The following GPC6 variants were observed in gnomAD, a reference collection of about 807,000 sequenced individuals.
The protein encoded by GPC6 is glypican 6.
GPC6 carries 14 observed loss-of-function variants against 55.2 expected under a neutral mutation model. That is an observed-to-expected ratio of 0.25 (90% confidence interval 0.17 to 0.40). GPC6 has a LOEUF of 0.40. Ranked by LOEUF, GPC6 falls within the 10% of genes least tolerant of loss-of-function variation. The pLI is 1.00. For synonymous variants in GPC6, 278 were observed against 259.6 expected, an observed-to-expected ratio of 1.07 and a Z score of -0.68; for missense variants, 641 against 708.5, an observed-to-expected ratio of 0.90 and a Z score of 1.08.
chr13:93,816,214 A>G (rs1300696712), intron 2 of GPC6, among the ~76,000 whole-genome samples: 1 of 152,128 alleles, frequency 6.6e-6, no homozygotes, highest in African/African-American at 2.4e-5. Context: ...AATTTGGGAA[A>G]TCCTTTCTCT....
intron 4 of GPC6, among the ~76,000 whole-genome samples, chr13:94,050,067 T>G (rs973428468): frequency 3.3e-5 from 5 of 152,132 alleles, no homozygotes; most frequent in East Asian, 1.9e-4. Flanking sequence ...CACGTAGAAC[T>G]GTGAGTCCAT....
intron 2 of GPC6, among the ~76,000 whole-genome samples, chr13:93,644,555 C>T (rs1173279154): frequency 6.6e-6 from 1 of 151,938 alleles, no homozygotes; most frequent in East Asian, 1.9e-4. Context: ...GAGATATTCA[C>T]TGCTTCATTA....
chr13:94,000,743 A>G (rs1181695072), intron 3 of GPC6, among the ~76,000 whole-genome samples: 1 of 152,216 alleles, frequency 6.6e-6, no homozygotes, highest in Non-Finnish European at 1.5e-5. Context: ...AGCACTTTGC[A>G]GCAAAATGAA....
chr13:94,177,130 C>T (rs947866458), intron 4 of GPC6, among the ~76,000 whole-genome samples: 4 of 152,164 alleles, frequency 2.6e-5, no homozygotes, highest in African/African-American at 9.7e-5. Context: ...TTAACTCAAT[C>T]AGCTAAATAG....
chr13:94,165,751 A>T (rs1057355425), intron 4 of GPC6, among the ~76,000 whole-genome samples: 1 of 152,162 alleles, frequency 6.6e-6, no homozygotes. Flanking sequence ...CTAAACTCCA[A>T]TTATTTGTAC....
At chr13:93,501,395 G>A (rs1156994999) in intron 1 of GPC6, among the ~76,000 whole-genome samples, 1 of 152,080 alleles carries the variant, frequency 6.6e-6, no homozygotes, top group Non-Finnish European at 1.5e-5. Flanking sequence ...TTCTGTGAAG[G>A]AATCAGGGCT....
intron 3 of GPC6, among the ~76,000 whole-genome samples, chr13:94,011,605 A>C (rs966504290): frequency 1.3e-5 from 2 of 152,204 alleles, no homozygotes; most frequent in African/African-American, 4.8e-5. Flanking sequence ...TAAAAATAAC[A>C]GAAACATTTA....
rs566912779 is a variant in GPC6 at position 94,311,030 on chromosome 13, G to C, written c.1152+4907G>C. Among the ~76,000 whole-genome samples, 480 of 152,130 alleles carry C rather than the reference G, an allele frequency of 3.2e-3. 2 individuals carry two copies. The highest frequency in any genetic ancestry group is 6.8e-3 in the Middle Eastern group (2 of 294). On this transcript the variant is annotated intron_variant, in intron 6 of 8. Coordinates refer to ENST00000377047, the MANE Select transcript of GPC6 (RefSeq NM_005708.5). ...GTTGTTTGCTTTTCGTTTTCTACTT[G>C]AATTTCCTGATATCTTTCAGAGCAT... is the stretch of plus-strand genomic sequence containing the variant.
chr13:93,384,670 A>C (rs1487275327), intron 1 of GPC6, among the ~76,000 whole-genome samples: 5 of 152,198 alleles, frequency 3.3e-5, no homozygotes, highest in Non-Finnish European at 7.3e-5. Flanking sequence ...ACATAATAGG[A>C]AGTTAATTAC....
intron 4 of GPC6, among the ~76,000 whole-genome samples, chr13:94,275,351 A>T (rs1257019037): frequency 6.6e-6 from 1 of 152,158 alleles, no homozygotes; most frequent in Non-Finnish European, 1.5e-5. Context: ...GAGACAGGGC[A>T]TTTAGGTTGA....
intron 2 of GPC6, among the ~76,000 whole-genome samples, chr13:93,778,247 C>T (rs1357218746): frequency 6.6e-6 from 1 of 152,044 alleles, no homozygotes; most frequent in Non-Finnish European, 1.5e-5. Flanking sequence ...TGTTGTTCTC[C>T]TTTGACAGAT....
At chr13:93,942,672 A>G (rs1878796678) in intron 3 of GPC6, among the ~76,000 whole-genome samples, 1 of 152,118 alleles carries the variant, frequency 6.6e-6, no homozygotes, top group African/African-American at 2.4e-5. Flanking sequence ...CACTGTTGCC[A>G]TAGTCTATTC....
At chr13:93,506,795 C>T (rs908759117) in intron 1 of GPC6, among the ~76,000 whole-genome samples, 4 of 147,976 alleles carry the variant, frequency 2.7e-5, no homozygotes, top group Admixed American at 1.4e-4. Context: ...AATCCCGGCA[C>T]TTTGGGAGGC....
intron 2 of GPC6, among the ~76,000 whole-genome samples, chr13:93,664,144 A>G (rs35651371): frequency 1.1e-3 from 169 of 152,270 alleles, no homozygotes; most frequent in Admixed American, 2.5e-3. Flanking sequence ...TGATAAGGAT[A>G]TAACTATATA....
At chr13:94,113,222 A>C (rs1441729096) in intron 4 of GPC6, among the ~76,000 whole-genome samples, 5 of 152,104 alleles carry the variant, frequency 3.3e-5, no homozygotes, top group African/African-American at 1.2e-4. Context: ...CAGCCATAAA[A>C]TGTTACCCAT....
chr13:93,610,183 C>T (rs988364873), intron 2 of GPC6, among the ~76,000 whole-genome samples: 2 of 152,024 alleles, frequency 1.3e-5, no homozygotes, highest in East Asian at 1.9e-4. Context: ...GTAGATTTTA[C>T]GGAAAAAACT....
intron 2 of GPC6, among the ~76,000 whole-genome samples, chr13:93,555,758 A>G (rs1479846122): frequency 2.0e-5 from 3 of 152,222 alleles, no homozygotes; most frequent in Non-Finnish European, 2.9e-5. Context: ...TAAGATGTCC[A>G]TGAATTTCCT....
intron 2 of GPC6, among the ~76,000 whole-genome samples, chr13:93,581,599 C>T (rs750269387): frequency 4.6e-5 from 7 of 151,980 alleles, no homozygotes; most frequent in Non-Finnish European, 7.4e-5. Flanking sequence ...CTTAGCTACT[C>T]GGGAGGCTGA....
chr13:94,285,740 G>T (rs1356446885), intron 4 of GPC6, among the ~76,000 whole-genome samples: 1 of 152,134 alleles, frequency 6.6e-6, no homozygotes. Flanking sequence ...TTTTTTGAGA[G>T]CTTATAATGT....
Sources: allele counts gnomAD v4.1 joint callset (sites outside exome capture counted in the v4.1 genomes callset), GRCh38; gene constraint gnomAD v4.1.1; transcripts MANE v1.5; gene names NCBI Gene and HGNC (gene_info 2026-07-23, HGNC 2026-07-21).